Variants in ZNF638 observed in about 807,000 individuals in gnomAD.
ZNF638 encodes CTCL tumor antigen se33-1.
ZNF638 carries 46 observed loss-of-function variants against 195.6 expected under a neutral mutation model. That is an observed-to-expected ratio of 0.24 (90% CI 0.19 to 0.30). The LOEUF is 0.30. Ranked by LOEUF, ZNF638 falls within the 10% of genes least tolerant of loss-of-function variation. The pLI, the probability that ZNF638 is intolerant of heterozygous loss-of-function variation, is 1.00. For synonymous variants in ZNF638, 845 were observed against 772.0 expected, an observed-to-expected ratio of 1.09 and a Z score of -1.57; for missense variants, 2,440 against 2,325.3, an observed-to-expected ratio of 1.05 and a Z score of -1.01.
intron 20 of ZNF638, among the ~76,000 whole-genome samples, chr2:71,414,722 A>T (rs1285773377): frequency 5.8e-5 from 7 of 121,134 alleles, no homozygotes; most frequent in Non-Finnish European, 1.0e-4. Flanking sequence ...TTGTGCCTTC[A>T]TTTCGTTATG....
At chr2:71,408,879 A>G (rs563668226) in intron 20 of ZNF638, 1 of 209,806 alleles carries the variant, frequency 4.8e-6, no homozygotes, top group Admixed American at 5.8e-5. Context: ...CTAAATCTAA[A>G]TTAGAGTATC....
At position 71,423,835 on chromosome 2, in the gene ZNF638, A is replaced by G. The variant is rs1159634423; in HGVS notation, c.4321A>G (p.Lys1441Glu). ...KLSAKEFGLL[K>E]PTSARSGLAE... ...TTCAGCCAAGGAATTTGGTCTGCTT[A>G]AACCCACAAGTGCCAGGTCAGGCTT... The change falls in exon 22 of 28, where the codon AAA (lysine) becomes GAA (glutamate). Residue 1441 changes from lysine to glutamate, a missense_variant. Coordinates refer to ENST00000264447, the MANE Select transcript of ZNF638 (RefSeq NM_014497.5). 5 of 1,614,174 alleles carry G rather than the reference A, an allele frequency of 3.1e-6. No individual in the cohort carries two copies. Among genetic ancestry groups the G allele is most frequent in the Non-Finnish European group, 4.2e-6 (5 of 1,180,014 alleles).
intron 2 of ZNF638, among the ~76,000 whole-genome samples, chr2:71,354,295 T>TATGA (rs1251574268): frequency 6.6e-6 from 1 of 151,244 alleles, no homozygotes; most frequent in Non-Finnish European, 1.5e-5. Flanking sequence ...ATATTGCTTT[T>TATGA]AACTAATTGT....
At chr2:71,361,240 A>G (rs1305746116) in intron 3 of ZNF638, among the ~76,000 whole-genome samples, 1 of 152,202 alleles carries the variant, frequency 6.6e-6, no homozygotes, top group African/African-American at 2.4e-5. Context: ...GGCATGAGCC[A>G]CCATGCTCCA....
intron 2 of ZNF638, among the ~76,000 whole-genome samples, chr2:71,352,435 G>A (rs541255927): frequency 3.6e-4 from 54 of 150,584 alleles, no homozygotes; most frequent in Non-Finnish European, 6.3e-4. Context: ...CCGAGATCGC[G>A]CCGCTGCACT....
chr2:71,370,786 A>G (rs1227019911), intron 8 of ZNF638, among the ~76,000 whole-genome samples: 1 of 152,240 alleles, frequency 6.6e-6, no homozygotes, highest in African/African-American at 2.4e-5. Flanking sequence ...ACATTATGGA[A>G]AATGGGATAT....
Position 71,349,177 on chromosome 2 carries a change from C to A in ZNF638, c.223C>A (p.Gln75Lys). The A allele has an allele frequency of 6.2e-7, 1 of 1,614,134 alleles. No homozygotes were observed. The highest frequency in any genetic ancestry group is 8.5e-7 in the Non-Finnish European group (1 of 1,180,030). ...GPQRMNVQVTQHRTDPRLTKE... is the reference protein window; with the variant it reads ...GPQRMNVQVTKHRTDPRLTKE... ...ACAGAGAATGAATGTTCAGGTAACTCAACACAGAACTGATCCAAGATTGAC... is the reference window on the plus strand; with the variant it reads ...ACAGAGAATGAATGTTCAGGTAACTAAACACAGAACTGATCCAAGATTGAC... Residue 75 changes from glutamine to lysine, a missense_variant, in exon 2 of 28, where the codon CAA becomes AAA. Gln to Lys is a moderately conservative substitution (Grantham distance 53). Around this residue, in one of 5 missense-constraint regions of ZNF638, gnomAD observed 191 missense variants for 173.8 expected, o/e 1.10. Coordinates refer to ENST00000264447, the MANE Select transcript of ZNF638 (RefSeq NM_014497.5).
At chr2:71,336,402 C>CA (rs1269643337) in intron 1 of ZNF638, among the ~76,000 whole-genome samples, 15 of 121,056 alleles carry the variant, frequency 1.2e-4, no homozygotes, top group Non-Finnish European at 2.1e-4. Context: ...AAAAAAAAAC[C>CA]AAAAAAACAC....
chr2:71,348,830 G>T lies in ZNF638; in HGVS notation c.-125G>T, dbSNP rs182237214. On this transcript the variant is annotated 5_prime_UTR_variant, in exon 2 of 28. Transcript: ENST00000264447. ...GGCATTGCAAACCCACTTCTGTTGG[G>T]CCCATCTCCTTTGCACTTTGCTCAG... 10 of 1,602,376 alleles carry T rather than the reference G, an allele frequency of 6.2e-6. No individual in the cohort carries two copies. Among genetic ancestry groups the T allele is most frequent in the Middle Eastern group, 1.7e-4 (1 of 6,054 alleles).
intron 10 of ZNF638, among the ~76,000 whole-genome samples, chr2:71,391,270 A>G (rs1321421635): frequency 1.3e-5 from 2 of 152,216 alleles, no homozygotes; most frequent in Non-Finnish European, 2.9e-5. Context: ...TATAGTCGAT[A>G]TTGACTTAAA....
rs192107952 is a variant in ZNF638 at position 71,379,987 on chromosome 2, G to A, written c.2266-235G>A. ...AGCACGGTTTCAAGGCATCCACCAGGGGTCTTGGATAAGGAGAAACTGCTG... is the reference window on the plus strand; with the variant it reads ...AGCACGGTTTCAAGGCATCCACCAGAGGTCTTGGATAAGGAGAAACTGCTG... On this transcript the variant is annotated intron_variant, in intron 8 of 27. Transcript: ENST00000264447. 84 of 314,436 alleles carry A rather than the reference G, an allele frequency of 2.7e-4. 1 individual carries two copies. Among genetic ancestry groups the A allele is most frequent in the African/African-American group, 1.5e-3 (69 of 46,248 alleles). The allele number at this position is 314,436 out of a possible 1,614,324, so 19.5% of individuals were successfully genotyped here. A position where few individuals can be genotyped will look rare whatever the true frequency, so the allele number is the denominator to read the frequency against.
intron 10 of ZNF638, among the ~76,000 whole-genome samples, chr2:71,386,043 T>C (rs1488234959): frequency 1.3e-5 from 2 of 152,164 alleles, no homozygotes; most frequent in African/African-American, 4.8e-5. Context: ...TATGATCCTT[T>C]CCATAAATAC....
chr2:71,333,643 A>G (rs1336898947), intron 1 of ZNF638, among the ~76,000 whole-genome samples: 2 of 152,228 alleles, frequency 1.3e-5, no homozygotes, highest in African/African-American at 4.8e-5. Flanking sequence ...AAATGAGACA[A>G]GTAGTTTAGT....
At position 71,369,982 on chromosome 2, in the gene ZNF638, G is replaced by A. The variant is rs1393826468; in HGVS notation, c.2242G>A (p.Val748Ile). The change falls in exon 8 of 28, where the codon GTT becomes ATT. Residue 748 changes from valine to isoleucine, a missense_variant. Coordinates refer to ENST00000264447, the MANE Select transcript of ZNF638 (RefSeq NM_014497.5). ...TIKGKSVKIC[V>I]PGKKKAQNKE... ...AAAAGGAAAAAGTGTGAAAATATGTGTTCCAGGAAAGAAAAAAGCACAGGT... is the reference window on the plus strand; with the variant it reads ...AAAAGGAAAAAGTGTGAAAATATGTATTCCAGGAAAGAAAAAAGCACAGGT... The A allele has an allele frequency of 2.5e-6, 4 of 1,595,528 alleles. No individual in the cohort carries two copies. In the South Asian group the frequency reaches 4.6e-5, roughly 19 times the overall value.
chr2:71,419,639 A>G (rs904622422), intron 21 of ZNF638, among the ~76,000 whole-genome samples: 2 of 152,186 alleles, frequency 1.3e-5, no homozygotes, highest in African/African-American at 4.8e-5. Context: ...TCACATACCT[A>G]AGAAATAGTA....
chr2:71,393,538 A>T, intron 10 of ZNF638: 1 of 718,008 alleles, frequency 1.4e-6, no homozygotes. Context: ...AGCCCCGGAC[A>T]TTACCTGGGG....
intron 16 of ZNF638, among the ~76,000 whole-genome samples, chr2:71,403,498 T>A (rs540726758): frequency 6.6e-6 from 1 of 152,250 alleles, no homozygotes; most frequent in South Asian, 2.1e-4. Context: ...ATTTTATCAA[T>A]TTATTTACTC....
At chr2:71,358,273 G>A (rs1469910734) in intron 3 of ZNF638, among the ~76,000 whole-genome samples, 2 of 152,166 alleles carry the variant, frequency 1.3e-5, no homozygotes, top group Non-Finnish European at 2.9e-5. Context: ...CATCTGCAAA[G>A]ATCCTTTTCC....
rs547993728 is a variant in ZNF638, at chr2:71,423,156, A to G, written c.3642A>G (p.Ala1214=). ...MFNSDLEKKG[A]EIINPKTALL... ...ACAGTGACTTGGAGAAGAAAGGGGC[A>G]GAAATTATTAACCCTAAAACAGCAT... The change falls in exon 22 of 28, where the codon GCA becomes GCG. Residue 1214 remains alanine (A), a synonymous_variant. Transcript: ENST00000264447. 1 of 1,614,176 alleles carries G rather than the reference A, an allele frequency of 6.2e-7. No homozygotes were observed. The highest frequency in any genetic ancestry group is 2.2e-5 in the East Asian group (1 of 44,884).
Sources: gnomAD v4.1 joint callset for allele counts (sites outside exome capture counted in the v4.1 genomes callset) on GRCh38, gnomAD v4.1.1 for gene constraint, gnomAD v4.1.1 regional missense constraint, MANE v1.5 for transcripts, NCBI Gene and HGNC (gene_info 2026-07-23, HGNC 2026-07-21) for gene names.